The following PPARGC1A variants were observed in gnomAD, a reference collection of about 807,000 sequenced individuals.
PPARGC1A encodes the protein PPARG coactivator 1 alpha, also known as peroxisome proliferator-activated receptor gamma coactivator 1-alpha.
In PPARGC1A, 25 loss-of-function variants were observed where a neutral mutation model predicts 88.7. That is an observed-to-expected ratio of 0.28 (90% CI 0.21 to 0.39). The LOEUF is 0.39. PPARGC1A is among the 10% of genes least tolerant of loss of function. The pLI is 1.00. For missense variants in PPARGC1A, 880 were observed against 968.7 expected (o/e 0.91, Z 1.22); for synonymous variants, 363 against 355.6 (o/e 1.02, Z -0.24).
chr4:24,245,721 C>T, the PPARGC1A span, among the ~76,000 whole-genome samples: 1 of 152,190 alleles, frequency 6.6e-6, no homozygotes, highest in Non-Finnish European at 1.5e-5. Context: ...GCTCAAAATA[C>T]AGCTGCTAGA....
the PPARGC1A span, among the ~76,000 whole-genome samples, chr4:24,423,051 C>G: frequency 6.6e-6 from 1 of 152,126 alleles, no homozygotes; most frequent in Admixed American, 6.5e-5. Flanking sequence ...TTGGAAAACA[C>G]CATATATATA....
intron 2 of PPARGC1A, among the ~76,000 whole-genome samples, chr4:23,858,497 C>A (rs1489550145): frequency 2.0e-5 from 3 of 152,208 alleles, no homozygotes; most frequent in Non-Finnish European, 4.4e-5. Flanking sequence ...AGTCTCCTAA[C>A]CATCTTGCTA....
the PPARGC1A span, among the ~76,000 whole-genome samples, chr4:24,177,620 TA>T: frequency 4.9e-4 from 10 of 20,260 alleles, no homozygotes; most frequent in South Asian, 3.3e-3. Context: ...CAAGTATAAT[TA>T]AATAAATAAA....
At chr4:23,813,567 T>C in intron 8 of PPARGC1A, 123 bp downstream of exon 8, 1 of 839,412 alleles carries the variant, frequency 1.2e-6, no homozygotes, top group South Asian at 2.0e-5. Context: ...GTTCCAGCAG[T>C]GCCAGAATTG....
At chr4:24,005,375 T>C in the PPARGC1A span, among the ~76,000 whole-genome samples, 1 of 152,198 alleles carries the variant, frequency 6.6e-6, no homozygotes, top group Admixed American at 6.5e-5. Flanking sequence ...AAAGTCAGCA[T>C]GGTAGTCTGG....
chr4:24,194,680 A>C, the PPARGC1A span, among the ~76,000 whole-genome samples: 2 of 150,024 alleles, frequency 1.3e-5, no homozygotes, highest in Admixed American at 1.3e-4. Context: ...CCCCATCAAG[A>C]AGTTACTCAA....
chr4:24,077,990 A>G, the PPARGC1A span, among the ~76,000 whole-genome samples: 23 of 151,894 alleles, frequency 1.5e-4, no homozygotes, highest in Non-Finnish European at 2.9e-4. Context: ...TTTTCGGAAT[A>G]TTCCTTTCCA....
At chr4:23,937,284 A>G in the PPARGC1A span, among the ~76,000 whole-genome samples, 16 of 152,130 alleles carry the variant, frequency 1.1e-4, no homozygotes, top group Non-Finnish European at 2.4e-4. Flanking sequence ...TCCCACCAAC[A>G]TAGGGAGCTG....
At chr4:24,314,324 A>G in the PPARGC1A span, among the ~76,000 whole-genome samples, 1 of 152,114 alleles carries the variant, frequency 6.6e-6, no homozygotes, top group African/African-American at 2.4e-5. Context: ...ACCTTTTGGG[A>G]AGTGATTAAG....
chr4:24,084,896 C>T, the PPARGC1A span, among the ~76,000 whole-genome samples: 3 of 152,184 alleles, frequency 2.0e-5, no homozygotes, highest in Non-Finnish European at 4.4e-5. Flanking sequence ...TTCAGTTCTT[C>T]TATGGCGTCT....
At chr4:24,468,429 C>T in the PPARGC1A span, among the ~76,000 whole-genome samples, 7 of 152,052 alleles carry the variant, frequency 4.6e-5, no homozygotes, top group South Asian at 2.1e-4. Flanking sequence ...GCAGATGCTC[C>T]CCCCCGCACA....
At chr4:23,912,847 G>C in the PPARGC1A span, among the ~76,000 whole-genome samples, 1 of 150,896 alleles carries the variant, frequency 6.6e-6, no homozygotes, top group Admixed American at 6.6e-5. Context: ...GGAGTGCAGT[G>C]GCGGGATCTC....
chr4:24,054,324 A>C, the PPARGC1A span, among the ~76,000 whole-genome samples: 3,306 of 151,936 alleles, frequency 0.022, 54 homozygotes, highest in Non-Finnish European at 0.031. Flanking sequence ...AAAAAAAAAA[A>C]AACACTATAT....
the PPARGC1A span, among the ~76,000 whole-genome samples, chr4:24,088,991 C>A: frequency 6.6e-6 from 1 of 152,164 alleles, no homozygotes; most frequent in Admixed American, 6.5e-5. Flanking sequence ...AGACTTCTGA[C>A]AAGGATTGAA....
chr4:23,910,583 G>A, the PPARGC1A span, among the ~76,000 whole-genome samples: 1 of 148,954 alleles, frequency 6.7e-6, no homozygotes, highest in Non-Finnish European at 1.5e-5. Flanking sequence ...TGGGATAAGA[G>A]GTAGGTGCCA....
chr4:23,796,272 A>C (rs570599413), intron 12 of PPARGC1A, among the ~76,000 whole-genome samples: 23 of 152,258 alleles, frequency 1.5e-4, no homozygotes, highest in African/African-American at 5.3e-4. Context: ...TGAGAGTACA[A>C]GCTGGAACTA....
At chr4:24,446,371 GTCT>G in the PPARGC1A span, among the ~76,000 whole-genome samples, 26 of 152,138 alleles carry the variant, frequency 1.7e-4, no homozygotes, top group African/African-American at 4.8e-4. Flanking sequence ...CCATTTGTGT[GTCT>G]TCTTCGGAGA....
At chr4:24,440,252 C>T in the PPARGC1A span, among the ~76,000 whole-genome samples, 1 of 152,204 alleles carries the variant, frequency 6.6e-6, no homozygotes, top group Non-Finnish European at 1.5e-5. Flanking sequence ...AACTCTTCTA[C>T]ATCTTCCTAC....
chr4:24,355,720 G>C, the PPARGC1A span, among the ~76,000 whole-genome samples: 1 of 152,080 alleles, frequency 6.6e-6, no homozygotes, highest in African/African-American at 2.4e-5. Flanking sequence ...GCACACACCA[G>C]TCACAAACCC....
Sources: gnomAD v4.1 joint callset for allele counts (sites outside exome capture counted in the v4.1 genomes callset) on GRCh38, gnomAD v4.1.1 for gene constraint, MANE v1.5 for transcripts, NCBI Gene and HGNC (gene_info 2026-07-23, HGNC 2026-07-21) for gene names.